Variants in FKBP11 observed in about 807,000 individuals in gnomAD.
FKBP11 encodes peptidyl-prolyl cis-trans isomerase FKBP11.
In FKBP11, 21 loss-of-function variants were observed where a neutral mutation model predicts 24.7. The ratio of observed to expected loss-of-function variants is 0.85; its 90% CI spans 0.60 to 1.23. The LOEUF is 1.23. Among genes scored for constraint, FKBP11 ranks in the 50% most tolerant of loss-of-function variants. The pLI is 0.00. For synonymous variants in FKBP11, 106 were observed against 100.6 expected (o/e 1.05, Z -0.32); for missense variants, 245 against 248.7 (o/e 0.99, Z 0.10).
chr12:48,932,281 T>A, the FKBP11 span, among the ~76,000 whole-genome samples: 21 of 63,558 alleles, frequency 3.3e-4, no homozygotes, highest in South Asian at 7.5e-4. Flanking sequence ...TTTTTTTTTT[T>A]TTTTTTTTTC....
chr12:48,937,035 ACACACACACT>A, the FKBP11 span: 1 of 152,402 alleles, frequency 6.6e-6, no homozygotes, highest in Non-Finnish European at 1.5e-5. Flanking sequence ...ACACCCATAT[ACACACACACT>A]CACACACACA....
At chr12:48,930,447 A>G (rs1330861816), upstream of FKBP11, among the ~76,000 whole-genome samples, 1 of 152,212 alleles carries the variant, frequency 6.6e-6, no homozygotes, top group Non-Finnish European at 1.5e-5. Context: ...GATCTTTTAC[A>G]ATAGAAATTA....
the FKBP11 span, chr12:48,938,798 G>A: frequency 1.1e-6 from 1 of 951,298 alleles, no homozygotes. Context: ...AGGAGGGGAG[G>A]CAGGGGAGGC....
upstream of FKBP11, among the ~76,000 whole-genome samples, chr12:48,931,155 AAAAG>A (rs1368924577): frequency 2.0e-4 from 30 of 148,206 alleles, 1 homozygote; most frequent in African/African-American, 7.2e-4. Context: ...AAAAAAAAAA[AAAAG>A]GCTAGTTGTG....
At chr12:48,924,728 G>A in intron 2 of FKBP11, 80 bp from the exon 3 acceptor site, 10 of 1,579,304 alleles carry the variant, frequency 6.3e-6, no homozygotes, top group Admixed American at 1.8e-5. Context: ...CTGGACCGCT[G>A]GGCGGCGGCA....
chr12:48,925,010 CTCCCAG>C, intron 2 of FKBP11, 30 bp downstream of exon 2: 7 of 1,578,510 alleles, frequency 4.4e-6, no homozygotes, highest in Non-Finnish European at 5.2e-6. Context: ...GCGCCGCCCC[CTCCCAG>C]GCCCCGCCCC....
At chr12:48,933,203 T>C in the FKBP11 span, among the ~76,000 whole-genome samples, 2 of 152,136 alleles carry the variant, frequency 1.3e-5, no homozygotes, top group East Asian at 3.9e-4. Context: ...TCTTCCCTTT[T>C]CTCAGGAATT....
chr12:48,932,247 ATATATATATATATATTTTTTTTTTTTTTT>A, the FKBP11 span, among the ~76,000 whole-genome samples: 76 of 36,166 alleles, frequency 2.1e-3, no homozygotes, highest in South Asian at 0.014. Flanking sequence ...ATATATATAT[ATATATATATATATATTTTTTTTTTTTTTT>A]TTTTTTTTTT....
chr12:48,931,442 G>T, upstream of FKBP11: 1 of 1,536,084 alleles, frequency 6.5e-7, no homozygotes, highest in Non-Finnish European at 8.7e-7. Context: ...ACCCTGGAGG[G>T]ACCAGAGAAG....
chr12:48,928,872 T>TA (rs1168182641), upstream of FKBP11, among the ~76,000 whole-genome samples: 2 of 139,584 alleles, frequency 1.4e-5, no homozygotes, highest in African/African-American at 2.7e-5. Context: ...GCCCAGGCTG[T>TA]AGTGCAGTGG....
intron 5 of FKBP11, 70 bp from the exon 6 acceptor site, chr12:48,922,271 A>G: frequency 2.8e-6 from 4 of 1,442,104 alleles, no homozygotes; most frequent in Non-Finnish European, 3.8e-6. Flanking sequence ...TCTGAATGAA[A>G]ATAGGGAGCG....
At chr12:48,938,203 A>C in the FKBP11 span, 1 of 352,488 alleles carries the variant, frequency 2.8e-6, no homozygotes, top group Admixed American at 3.7e-5. Context: ...AAGGGTGGAG[A>C]GAAGAGTACA....
intron 5 of FKBP11, chr12:48,922,447 G>T: frequency 1.1e-6 from 1 of 876,612 alleles, no homozygotes; most frequent in Non-Finnish European, 1.5e-6. Context: ...TTGAATGCAG[G>T]AAAACTTTCT....
At chr12:48,933,698 C>CAA in the FKBP11 span, among the ~76,000 whole-genome samples, 38,025 of 102,798 alleles carry the variant, frequency 0.37, 6,678 homozygotes, top group Admixed American at 0.5. Context: ...GACTCCGTCT[C>CAA]AAAAAAAAAA....
chr12:48,924,206 C>T lies in FKBP11; in HGVS notation c.317+17G>A, dbSNP rs1436451586. 49 of 1,613,974 alleles carry T rather than the reference C, an allele frequency of 3.0e-5. No individual in the cohort carries two copies. The highest frequency in any genetic ancestry group is 4.2e-5 in the Non-Finnish European group (49 of 1,180,014). ...TGCAAAGGGGGTACCCAGGCCCACCCCTGCCGAGATACTCACCCCACACAC... is the reference window on the plus strand; with the variant it reads ...TGCAAAGGGGGTACCCAGGCCCACCTCTGCCGAGATACTCACCCCACACAC... On this transcript the variant is annotated intron_variant, in intron 4 of 5. Coordinates refer to ENST00000550765, the MANE Select transcript of FKBP11 (RefSeq NM_016594.3).
At chr12:48,923,990 G>T in intron 4 of FKBP11, 138 bp from the exon 5 acceptor site, 2 of 962,018 alleles carry the variant, frequency 2.1e-6, no homozygotes, top group Non-Finnish European at 3.3e-6. Context: ...CACCAAACAG[G>T]CTGGCCAGCA....
chr12:48,926,467 C>CGCCTGCCTCGGTCTCTCAAAGT (rs1939966969), upstream of FKBP11: 1 of 150,578 alleles, frequency 6.6e-6, no homozygotes, highest in East Asian at 2.0e-4. Context: ...TCAGGTGATC[C>CGCCTGCCTCGGTCTCTCAAAGT]GCCTGCCTCG....
At chr12:48,925,623 G>A (rs1208656659), upstream of FKBP11, 3 of 671,458 alleles carry the variant, frequency 4.5e-6, no homozygotes, top group Non-Finnish European at 7.4e-6. Flanking sequence ...GGCGCCCTCT[G>A]TACCCTCCAA....
upstream of FKBP11, among the ~76,000 whole-genome samples, chr12:48,926,942 T>C (rs1357756902): frequency 6.6e-6 from 1 of 152,164 alleles, no homozygotes; most frequent in Non-Finnish European, 1.5e-5. Flanking sequence ...CCCGAGTAGC[T>C]GGGATTATAG....
Sources: gnomAD v4.1 joint callset for allele counts (sites outside exome capture counted in the v4.1 genomes callset) on GRCh38, gnomAD v4.1.1 for gene constraint, MANE v1.5 for transcripts, NCBI Gene and HGNC (gene_info 2026-07-23, HGNC 2026-07-21) for gene names.